Variants in KLHL29 observed in about 807,000 individuals in gnomAD.
KLHL29 encodes the protein kelch like family member 29.
Under a neutral mutation model 80.4 loss-of-function variants are expected in KLHL29, and 21 were observed. That is an observed-to-expected ratio of 0.26 (90% confidence interval 0.19 to 0.38). The LOEUF is 0.38. Among genes scored for constraint, KLHL29 ranks in the 10% least tolerant of loss-of-function variants. The pLI is 1.00. For synonymous variants in KLHL29, 511 were observed against 526.8 expected (o/e 0.97, Z 0.41); for missense variants, 867 against 1,223.9 (o/e 0.71, Z 4.35).
chr2:23,564,177 C>T (rs184420312), intron 3 of KLHL29, among the ~76,000 whole-genome samples: 1 of 152,340 alleles, frequency 6.6e-6, no homozygotes, highest in Admixed American at 6.5e-5. Flanking sequence ...TGTTGGGCTG[C>T]TCTGGGGGAT....
chr2:23,483,965 G>C (rs770440064), intron 2 of KLHL29, among the ~76,000 whole-genome samples: 1 of 152,152 alleles, frequency 6.6e-6, no homozygotes. Flanking sequence ...CACATACGAC[G>C]TGTCAAGCCA....
chr2:23,448,275 A>G (rs1663766786), intron 1 of KLHL29, among the ~76,000 whole-genome samples: 1 of 152,108 alleles, frequency 6.6e-6, no homozygotes, highest in South Asian at 2.1e-4. Context: ...TCTAAGAATA[A>G]TAAGATTTGA....
At chr2:23,461,382 A>T (rs960888496) in intron 1 of KLHL29, among the ~76,000 whole-genome samples, 1 of 152,036 alleles carries the variant, frequency 6.6e-6, no homozygotes, top group Non-Finnish European at 1.5e-5. Flanking sequence ...CAGCCACAGG[A>T]TCTCAATTCA....
intron 2 of KLHL29, among the ~76,000 whole-genome samples, chr2:23,551,145 T>A (rs114075981): frequency 2.1e-3 from 314 of 152,366 alleles, no homozygotes; most frequent in Middle Eastern, 6.8e-3. Flanking sequence ...CCCTCATCGA[T>A]CCTGATGTTT....
intron 2 of KLHL29, among the ~76,000 whole-genome samples, chr2:23,561,469 T>C (rs558816473): frequency 3.2e-4 from 49 of 152,214 alleles, no homozygotes; most frequent in Admixed American, 6.5e-4. Flanking sequence ...CGAGATCAAA[T>C]CATAGGGCTG....
At chr2:23,667,507 G>C (rs1174029245) in intron 5 of KLHL29, 1 of 152,354 alleles carries the variant, frequency 6.6e-6, no homozygotes, top group African/African-American at 2.4e-5. Context: ...CCTCCTCTGG[G>C]CAGGTCACCT....
At chr2:23,688,925 G>A in intron 6 of KLHL29, 1 of 152,406 alleles carries the variant, frequency 6.6e-6, no homozygotes, top group Middle Eastern at 3.4e-3. Flanking sequence ...TCACGGGGGT[G>A]TCCCCTCTGG....
intron 1 of KLHL29, among the ~76,000 whole-genome samples, chr2:23,473,674 C>T (rs1329123671): frequency 5.3e-5 from 8 of 152,130 alleles, no homozygotes; most frequent in African/African-American, 1.4e-4. Context: ...TGGATTAACC[C>T]GACATGAACT....
intron 2 of KLHL29, among the ~76,000 whole-genome samples, chr2:23,525,736 C>CCCT (rs1666292243): frequency 3.7e-5 from 1 of 26,908 alleles, no homozygotes; most frequent in Admixed American, 3.0e-4. Flanking sequence ...GCCCCCCCCC[C>CCCT]CCACCCGAGG....
At chr2:23,491,347 G>A (rs1394669863) in intron 2 of KLHL29, among the ~76,000 whole-genome samples, 1 of 152,126 alleles carries the variant, frequency 6.6e-6, no homozygotes, top group African/African-American at 2.4e-5. Flanking sequence ...TTAGTACAGG[G>A]ACCTGCGCGA....
intron 1 of KLHL29, among the ~76,000 whole-genome samples, chr2:23,467,935 C>T (rs1397323860): frequency 2.0e-5 from 3 of 151,552 alleles, no homozygotes; most frequent in Non-Finnish European, 2.9e-5. Context: ...ACTTCTTTGG[C>T]GGGGTGGTGG....
chr2:23,391,582 C>G (rs991946012), intron 1 of KLHL29, among the ~76,000 whole-genome samples: 2 of 152,066 alleles, frequency 1.3e-5, no homozygotes, highest in African/African-American at 2.4e-5. Flanking sequence ...ATTACAGGCA[C>G]GTGCCACTAT....
At position 23,696,154 on chromosome 2, in the gene KLHL29, G is replaced by A; in HGVS notation, c.1924+21G>A. The A allele has an allele frequency of 6.5e-7, 1 of 1,546,438 alleles. No individual in the cohort carries two copies. The highest frequency in any genetic ancestry group is 8.7e-7 in the Non-Finnish European group (1 of 1,143,854). On this transcript the variant is annotated intron_variant, in intron 10 of 13. Transcript: ENST00000486442. This position sits in a 1 kb window ranked among gnomAD's most constrained non-coding sequence, Gnocchi z 5.5. ...CTCAGGTGAGGCCCCCCGGGGTTGG[G>A]GCGGGACCAGGCATGGGGGTCCCAA...
At chr2:23,636,170 G>A (rs1019243511) in intron 3 of KLHL29, among the ~76,000 whole-genome samples, 2 of 152,184 alleles carry the variant, frequency 1.3e-5, no homozygotes, top group African/African-American at 2.4e-5. Flanking sequence ...TAGTCAGGCC[G>A]CGCTGACGCA....
chr2:23,387,272 T>G (rs1237911956), intron 1 of KLHL29, among the ~76,000 whole-genome samples: 1 of 152,180 alleles, frequency 6.6e-6, no homozygotes, highest in Non-Finnish European at 1.5e-5. Flanking sequence ...GGTTCCAGCC[T>G]CTCTCCAGTC....
At position 23,553,110 on chromosome 2, in the gene KLHL29, C is replaced by T. The variant is rs112828973; in HGVS notation, c.-45-9042C>T. Among the ~76,000 whole-genome samples the T allele has an allele frequency of 4.6e-3, 704 of 152,264 alleles. 3 individuals carry two copies. The highest frequency in any genetic ancestry group is 7.3e-3 in the Non-Finnish European group (500 of 68,030). ...GTCAAATCCCTGCCTCCCCTCTTTC[C>T]CCAGCCTGGAGATCCTGGTAGATGC... On this transcript the variant is annotated intron_variant, in intron 2 of 13. Transcript: ENST00000486442.
intron 2 of KLHL29, among the ~76,000 whole-genome samples, chr2:23,481,223 A>C (rs1038458986): frequency 6.6e-6 from 1 of 152,218 alleles, no homozygotes; most frequent in African/African-American, 2.4e-5. Context: ...GGTCAGAAGC[A>C]CTGCCAAGCC....
At chr2:23,412,266 A>G (rs1297467956) in intron 1 of KLHL29, among the ~76,000 whole-genome samples, 2 of 152,042 alleles carry the variant, frequency 1.3e-5, no homozygotes, top group East Asian at 1.9e-4. Context: ...GGGTGTGTCA[A>G]TGGTTGAGGA....
intron 2 of KLHL29, among the ~76,000 whole-genome samples, chr2:23,477,362 G>A (rs140379118): frequency 6.4e-4 from 97 of 152,388 alleles, no homozygotes; most frequent in African/African-American, 2.1e-3. Flanking sequence ...GGGGATGGCT[G>A]TCCCCTGCCA....
Sources: gnomAD v4.1 joint callset for allele counts (sites outside exome capture counted in the v4.1 genomes callset) on GRCh38, gnomAD v4.1.1 for gene constraint, Gnocchi (gnomAD v3.1) non-coding constraint, MANE v1.5 for transcripts, NCBI Gene and HGNC (gene_info 2026-07-23, HGNC 2026-07-21) for gene names.